WASHC5: variants seen among roughly 807,000 people sequenced by gnomAD.
The protein encoded by WASHC5 is WASH complex subunit strumpellin.
In WASHC5, 101 loss-of-function variants were observed where a neutral mutation model predicts 150.4. That is an observed-to-expected ratio of 0.67 (90% CI 0.57 to 0.79). The LOEUF (loss-of-function observed/expected upper bound fraction) is 0.79, where lower values mean the gene tolerates loss of function less well. Among genes scored for constraint, WASHC5 ranks in the 30% least tolerant of loss-of-function variants. WASHC5 has a pLI of 0.00. For missense variants in WASHC5, 1,195 were observed against 1,396.3 expected, an observed-to-expected ratio of 0.86 and a Z score of 2.30; for synonymous variants, 467 against 491.2, an observed-to-expected ratio of 0.95 and a Z score of 0.65.
chr8:125,034,546 C>A (rs557574282), intron 26 of WASHC5, among the ~76,000 whole-genome samples: 2 of 151,988 alleles, frequency 1.3e-5, no homozygotes, highest in African/African-American at 4.8e-5. Context: ...ACTGACGCCA[C>A]CAAATAATGG....
intron 1 of WASHC5, among the ~76,000 whole-genome samples, chr8:125,086,170 C>A (rs963258156): frequency 6.6e-6 from 1 of 152,158 alleles, no homozygotes; most frequent in African/African-American, 2.4e-5. Context: ...CTTAAACAAC[C>A]ACATTTATTT....
At chr8:125,027,627 G>T (rs1333417959) in intron 28 of WASHC5, among the ~76,000 whole-genome samples, 1 of 152,136 alleles carries the variant, frequency 6.6e-6, no homozygotes, top group Non-Finnish European at 1.5e-5. Flanking sequence ...GGGAAGAATG[G>T]GAGGGGAGTG....
intron 9 of WASHC5, among the ~76,000 whole-genome samples, chr8:125,068,250 G>A (rs994207677): frequency 6.6e-6 from 1 of 152,212 alleles, no homozygotes; most frequent in African/African-American, 2.4e-5. Flanking sequence ...AGCTCACTAA[G>A]CCTTAAATGA....
intron 18 of WASHC5, 105 bp from the exon 19 acceptor site, chr8:125,049,290 G>C (rs1816167400): frequency 8.2e-7 from 1 of 1,218,784 alleles, no homozygotes; most frequent in Non-Finnish European, 1.2e-6. Context: ...CAGATGCGGT[G>C]GCTCCCACCT....
intron 26 of WASHC5, chr8:125,032,634 C>A (rs1364812844): frequency 1.9e-6 from 1 of 534,486 alleles, no homozygotes; most frequent in African/African-American, 1.9e-5. Flanking sequence ...ATTATCATTA[C>A]TGGTTCTTTT....
intron 10 of WASHC5, among the ~76,000 whole-genome samples, chr8:125,065,977 C>T (rs1055653874): frequency 3.3e-5 from 5 of 152,158 alleles, no homozygotes; most frequent in African/African-American, 1.2e-4. Context: ...TTTGCTTTGA[C>T]CTGGTTCCTG....
chr8:125,047,228 A>G lies in WASHC5; in HGVS notation c.2483T>C (p.Ile828Thr). ...CTACTTTGGGTCTGTGATCCGCAGGATTTCTCTGCAGAGTCGACCAATAAA... is the reference window on the plus strand; with the variant it reads ...CTACTTTGGGTCTGTGATCCGCAGGGTTTCTCTGCAGAGTCGACCAATAAA... ...VTFIGRLCRE[I>T]LRITDPKMTC... is the part of the protein sequence containing the mutation. The change falls in exon 20 of 29, where the codon ATC becomes ACC. Residue 828 changes from isoleucine (I) to threonine (T), a missense_variant. Around this residue, in one of 3 missense-constraint regions of WASHC5, gnomAD observed 997 missense variants for 1,168.1 expected, o/e 0.85. Transcript: ENST00000318410. 1 of 1,614,066 alleles carries G rather than the reference A, an allele frequency of 6.2e-7. No homozygotes were observed. Among genetic ancestry groups the G allele is most frequent in the Non-Finnish European group, 8.5e-7 (1 of 1,179,978 alleles).
chr8:125,071,252 C>T (rs143764436), intron 9 of WASHC5, among the ~76,000 whole-genome samples: 105 of 152,244 alleles, frequency 6.9e-4, no homozygotes, highest in Non-Finnish European at 1.1e-3. Context: ...CCAGCATTTA[C>T]GAAGAATAAG....
At chr8:125,044,245 G>C in intron 21 of WASHC5, 151 bp from the exon 22 acceptor site, 1 of 708,520 alleles carries the variant, frequency 1.4e-6, no homozygotes, top group South Asian at 1.6e-5. Flanking sequence ...GCAACTTCAG[G>C]TTCCTGTTAG....
At chr8:125,084,988 G>C (rs1280214524) in intron 1 of WASHC5, among the ~76,000 whole-genome samples, 1 of 152,176 alleles carries the variant, frequency 6.6e-6, no homozygotes, top group Non-Finnish European at 1.5e-5. Context: ...AACTGCAGCA[G>C]GCAAACAGGA....
intron 10 of WASHC5, among the ~76,000 whole-genome samples, chr8:125,064,012 T>C (rs1816677330): frequency 6.6e-6 from 1 of 152,242 alleles, no homozygotes; most frequent in Non-Finnish European, 1.5e-5. Flanking sequence ...CACTGCTCTA[T>C]GGTTCCTTCT....
chr8:125,066,317 C>G lies in WASHC5; in HGVS notation c.1278+1275G>C, dbSNP rs529230278. On this transcript the variant is annotated intron_variant, in intron 10 of 28. Transcript: ENST00000318410. ...GCTACTTAGTAGGGGAATATAGTAT[C>G]CTCAGAAACCTAGAAGATAAAGAAA... Among the ~76,000 whole-genome samples, 2 of 152,096 alleles carry G rather than the reference C, an allele frequency of 1.3e-5. 1 individual carries two copies. Among genetic ancestry groups the G allele is most frequent in the Admixed American group, 1.3e-4 (2 of 15,272 alleles).
At chr8:125,062,329 C>T (rs1419881912) in intron 11 of WASHC5, among the ~76,000 whole-genome samples, 1 of 152,096 alleles carries the variant, frequency 6.6e-6, no homozygotes, top group African/African-American at 2.4e-5. Context: ...AAAGTATGTC[C>T]TAAGCTGTAA....
intron 11 of WASHC5, among the ~76,000 whole-genome samples, chr8:125,061,672 AG>A (rs1303515147): frequency 6.6e-6 from 1 of 152,190 alleles, no homozygotes; most frequent in African/African-American, 2.4e-5. Flanking sequence ...CAGAAGTGTA[AG>A]GTGTGACTGG....
Position 125,047,308 on chromosome 8 carries a change from G to A in WASHC5, c.2403C>T (p.Tyr801=), listed in dbSNP as rs772858270. The change falls in exon 20 of 29, where the codon TAC becomes TAT. Residue 801 remains tyrosine (Y), a synonymous_variant. Transcript: ENST00000318410. ...TGGGTATTGGAATATGAGTGGACTG[G>A]TACATGCTTTGCCAATCTTGAATCT... ...RTKIQDWQSM[Y]QSTHIPIPKF... 1 of 1,613,810 alleles carries A rather than the reference G, an allele frequency of 6.2e-7. No homozygotes were observed. Among genetic ancestry groups the A allele is most frequent in the Non-Finnish European group, 8.5e-7 (1 of 1,179,746 alleles).
At chr8:125,044,286 T>A (rs1333399504) in intron 21 of WASHC5, among the ~76,000 whole-genome samples, 192 bp from the exon 22 acceptor site, 1 of 152,198 alleles carries the variant, frequency 6.6e-6, no homozygotes, top group East Asian at 1.9e-4. Flanking sequence ...AGTCACTGGC[T>A]TCAAGGATTA....
In WASHC5 at chr8:125,075,033, T is replaced by G. The variant is rs776798177; in HGVS notation, c.943A>C (p.Asn315His). 6.2e-7 allele frequency: 1 copy of G among 1,612,752 alleles called. No homozygotes were observed. The highest frequency in any genetic ancestry group is 8.5e-7 in the Non-Finnish European group (1 of 1,178,872). Residue 315 changes from asparagine (N) to histidine (H), a missense_variant, in exon 8 of 29, where the codon AAT becomes CAT. Asn to His is a moderately conservative substitution (Grantham distance 68, BLOSUM62 1). Transcript: ENST00000318410. ...EPYKAAKTAL[N>H]NTLDLSNVRE... The stretch of plus-strand genomic sequence containing the variant: ...ACATTTGAAAGGTCCAGGGTATTAT[T>G]TAAAGCAGTTTTTGCAGCTTTGTAA...
At position 125,059,366 on chromosome 8, in the gene WASHC5, C is replaced by T. The variant is rs200755877; in HGVS notation, c.1688+10G>A. On this transcript the variant is annotated intron_variant, in intron 13 of 28. Transcript: ENST00000318410. ...TTCATCTACAGCAAATGTCAGGCTG[C>T]CTACATTACCTGTCAATCAACTGCC... The T allele has an allele frequency of 1.5e-5, 24 of 1,613,454 alleles. No homozygotes were observed. The highest frequency in any genetic ancestry group is 1.9e-5 in the Non-Finnish European group (23 of 1,179,606).
At chr8:125,035,347 A>T (rs899642088) in intron 26 of WASHC5, among the ~76,000 whole-genome samples, 6 of 152,240 alleles carry the variant, frequency 3.9e-5, no homozygotes, top group Admixed American at 6.5e-5. Flanking sequence ...ATGAAAAAAA[A>T]ATTAGAATGA....
Sources: allele counts gnomAD v4.1 joint callset (sites outside exome capture counted in the v4.1 genomes callset), GRCh38; gene constraint gnomAD v4.1.1; regional missense constraint gnomAD v4.1.1; transcripts MANE v1.5; gene names NCBI Gene and HGNC (gene_info 2026-07-23, HGNC 2026-07-21).